Variants in ATRN observed in about 807,000 individuals in gnomAD.
ATRN encodes the protein attractin-2.
In ATRN, 54 loss-of-function variants were observed where a neutral mutation model predicts 178.7. That is an observed-to-expected ratio of 0.30 (90% CI 0.24 to 0.38). ATRN has a LOEUF of 0.38. Among genes scored for constraint, ATRN ranks in the 10% least tolerant of loss-of-function variants. The pLI is 1.00. For synonymous variants in ATRN, 636 were observed against 663.0 expected, an observed-to-expected ratio of 0.96 and a Z score of 0.63; for missense variants, 1,443 against 1,815.1, an observed-to-expected ratio of 0.79 and a Z score of 3.73.
rs562926000 is a variant in ATRN at position 3,622,318 on chromosome 20, G to A, written c.3802-2193G>A. On this transcript the variant is annotated intron_variant, in intron 24 of 28. Transcript: ENST00000262919. The stretch of plus-strand genomic sequence containing the variant: ...CCCTTCTTCAGTTGATAACTGAAGG[G>A]CTAAATCTGCCAAGTCTTCCTTTGC... 7.9e-5 allele frequency among the ~76,000 whole-genome samples: 12 copies of A among 152,296 alleles called. No individual in the cohort carries two copies. In the South Asian group the frequency reaches 2.5e-3, roughly 32 times the overall value.
At chr20:3,513,078 A>T (rs1245793172) in intron 1 of ATRN, among the ~76,000 whole-genome samples, 1 of 152,112 alleles carries the variant, frequency 6.6e-6, no homozygotes, top group Non-Finnish European at 1.5e-5. Flanking sequence ...CTCTGATGGT[A>T]GTTTCTTTTG....
chr20:3,569,837 A>G (rs1429981158), intron 11 of ATRN, among the ~76,000 whole-genome samples: 3 of 152,148 alleles, frequency 2.0e-5, no homozygotes, highest in Non-Finnish European at 2.9e-5. Flanking sequence ...TTGGGAGGCC[A>G]AGGCAGGAGG....
intron 19 of ATRN, among the ~76,000 whole-genome samples, chr20:3,591,890 G>A (rs2086449859): frequency 6.6e-6 from 1 of 152,210 alleles, no homozygotes; most frequent in South Asian, 2.1e-4. Flanking sequence ...TCCAGGGCTA[G>A]GAATGTGAAC....
chr20:3,527,544 C>G (rs1298231741), intron 1 of ATRN, among the ~76,000 whole-genome samples: 5 of 152,120 alleles, frequency 3.3e-5, no homozygotes, highest in Non-Finnish European at 7.4e-5. Flanking sequence ...CCAGAAATAC[C>G]ATTTGACCCA....
At chr20:3,640,856 G>A (rs2087061940) in intron 27 of ATRN, among the ~76,000 whole-genome samples, 1 of 152,194 alleles carries the variant, frequency 6.6e-6, no homozygotes, top group Non-Finnish European at 1.5e-5. Context: ...GTGGAAGCAG[G>A]CCCAAGTGTC....
intron 28 of ATRN, among the ~76,000 whole-genome samples, chr20:3,644,879 C>A (rs533745740): frequency 1.3e-5 from 2 of 152,316 alleles, no homozygotes; most frequent in South Asian, 4.2e-4. Context: ...CTTTCCAGCC[C>A]TGGCCAGCAA....
chr20:3,503,019 C>T (rs1019481644), intron 1 of ATRN, among the ~76,000 whole-genome samples: 1 of 152,012 alleles, frequency 6.6e-6, no homozygotes, highest in Non-Finnish European at 1.5e-5. Flanking sequence ...TAGGAGTAAC[C>T]TAGGACTACC....
At chr20:3,525,374 T>G (rs1003532366) in intron 1 of ATRN, among the ~76,000 whole-genome samples, 1 of 152,090 alleles carries the variant, frequency 6.6e-6, no homozygotes, top group Non-Finnish European at 1.5e-5. Context: ...CTGAACAGAC[T>G]AATAACGAGT....
chr20:3,517,739 C>G (rs1238948437), intron 1 of ATRN, among the ~76,000 whole-genome samples: 1 of 151,364 alleles, frequency 6.6e-6, no homozygotes, highest in Non-Finnish European at 1.5e-5. Flanking sequence ...CCACTGCACT[C>G]CAGCCTGGGT....
chr20:3,519,604 G>A (rs979930400), intron 1 of ATRN, among the ~76,000 whole-genome samples: 6 of 152,056 alleles, frequency 3.9e-5, no homozygotes, highest in African/African-American at 1.4e-4. Flanking sequence ...AGAAACAGAT[G>A]GAAGAAAAGA....
intron 5 of ATRN, among the ~76,000 whole-genome samples, chr20:3,548,370 G>A (rs897871567): frequency 1.3e-5 from 2 of 152,166 alleles, no homozygotes; most frequent in Admixed American, 6.5e-5. Context: ...GGAGGCCAAG[G>A]CAGGCGGCTC....
At chr20:3,568,686 T>C (rs114239282) in intron 11 of ATRN, among the ~76,000 whole-genome samples, 101 of 152,326 alleles carry the variant, frequency 6.6e-4, no homozygotes, top group African/African-American at 2.2e-3. Flanking sequence ...ATAACTTTCT[T>C]TTATGTGTGT....
rs1478590555 is a variant in ATRN at position 3,632,492 on chromosome 20, G to A, written c.3864-1819G>A. On this transcript the variant is annotated intron_variant, in intron 25 of 28. Transcript: ENST00000262919. This position sits in a 1 kb window ranked among gnomAD's most constrained non-coding sequence, Gnocchi z 4.2. Reference sequence around the variant, plus strand: ...CCCAAGCCATCCCAGGCACGGCCTTGCCTCGGGCTTTGCACTGACTGCTCC... The same window carrying A: ...CCCAAGCCATCCCAGGCACGGCCTTACCTCGGGCTTTGCACTGACTGCTCC... 6.6e-6 allele frequency among the ~76,000 whole-genome samples: 1 copy of A among 152,128 alleles called. No homozygotes were observed. The highest frequency in any genetic ancestry group is 1.5e-5 in the Non-Finnish European group (1 of 68,026).
In ATRN at chr20:3,645,892, C is replaced by T. The variant is rs1432625594; in HGVS notation, c.4166-831C>T. Among the ~76,000 whole-genome samples the T allele has an allele frequency of 1.3e-5, 2 of 152,090 alleles. No individual in the cohort carries two copies. Among genetic ancestry groups the T allele is most frequent in the Admixed American group, 1.3e-4 (2 of 15,278 alleles). On this transcript the variant is annotated intron_variant, in intron 28 of 28. Transcript: ENST00000262919. This position sits in a 1 kb window ranked among gnomAD's most constrained non-coding sequence, Gnocchi z 4.7. ...ATTAGGAATCCAGCTCCCCCAGAAC[C>T]GTGCCTTCCCTAATGGATGTCAGAT...
At chr20:3,547,189 A>T in intron 4 of ATRN, 95 bp from the exon 5 acceptor site, 6 of 982,920 alleles carry the variant, frequency 6.1e-6, no homozygotes, top group Non-Finnish European at 9.4e-6. Context: ...ATGAACTGAG[A>T]CAGTGAGATT....
intron 1 of ATRN, among the ~76,000 whole-genome samples, chr20:3,485,034 C>G (rs1056074287): frequency 6.6e-6 from 1 of 151,786 alleles, no homozygotes; most frequent in Non-Finnish European, 1.5e-5. Flanking sequence ...CTGTCTGGAT[C>G]TAGGCAGGAG....
chr20:3,524,941 A>G (rs2085344585), intron 1 of ATRN, among the ~76,000 whole-genome samples: 2 of 152,202 alleles, frequency 1.3e-5, no homozygotes, highest in African/African-American at 4.8e-5. Flanking sequence ...CTAAATGCCC[A>G]CAGGAGAAAG....
intron 1 of ATRN, among the ~76,000 whole-genome samples, chr20:3,525,171 AAG>A (rs2085347163): frequency 6.6e-6 from 1 of 152,156 alleles, no homozygotes; most frequent in South Asian, 2.1e-4. Flanking sequence ...CAAAGAAGAA[AAG>A]AGAGAAGAAT....
At chr20:3,523,307 A>G (rs2085321212) in intron 1 of ATRN, among the ~76,000 whole-genome samples, 1 of 151,914 alleles carries the variant, frequency 6.6e-6, no homozygotes, top group Admixed American at 6.6e-5. Context: ...AGCAGAAGAA[A>G]GCATATCAGA....
Sources: gnomAD v4.1 joint callset for allele counts (sites outside exome capture counted in the v4.1 genomes callset) on GRCh38, gnomAD v4.1.1 for gene constraint, Gnocchi (gnomAD v3.1) non-coding constraint, MANE v1.5 for transcripts, NCBI Gene and HGNC (gene_info 2026-07-23, HGNC 2026-07-21) for gene names.